ZFHX3: variants seen among roughly 807,000 people sequenced by gnomAD.
ZFHX3 encodes the protein zinc finger homeobox 3.
ZFHX3 carries 42 observed loss-of-function variants against 279.1 expected under a neutral mutation model. That is an observed-to-expected ratio of 0.15 (90% CI 0.12 to 0.19). The LOEUF is 0.19. Among genes scored for constraint, ZFHX3 ranks in the 10% least tolerant of loss-of-function variants. The pLI, the probability that ZFHX3 is intolerant of heterozygous loss-of-function variation, is 1.00. For missense variants in ZFHX3, 4,981 were observed against 4,754.0 expected, an observed-to-expected ratio of 1.05 and a Z score of -1.40; for synonymous variants, 2,293 against 1,957.8, an observed-to-expected ratio of 1.17 and a Z score of -4.52.
intron 5 of ZFHX3, among the ~76,000 whole-genome samples, chr16:73,148,806 G>A (rs922925320): frequency 2.0e-5 from 3 of 151,460 alleles, no homozygotes; most frequent in African/African-American, 7.2e-5. Flanking sequence ...AATTAGTCAG[G>A]TGTGGTGCCA....
At chr16:72,792,746 G>A (rs1037763391) in intron 9 of ZFHX3, among the ~76,000 whole-genome samples, 2 of 152,126 alleles carry the variant, frequency 1.3e-5, no homozygotes, top group African/African-American at 2.4e-5. Context: ...CACTGCACCC[G>A]GCCCTGATAG....
chr16:73,870,509 C>T (rs931926249), intron 1 of ZFHX3, among the ~76,000 whole-genome samples: 4 of 152,080 alleles, frequency 2.6e-5, no homozygotes, highest in Non-Finnish European at 5.9e-5. Flanking sequence ...AAAACAAATC[C>T]CCCTTTTTTT....
At chr16:73,668,273 G>T (rs1219652581) in intron 2 of ZFHX3, among the ~76,000 whole-genome samples, 1 of 151,976 alleles carries the variant, frequency 6.6e-6, no homozygotes, top group East Asian at 1.9e-4. Context: ...GACAGTAAAT[G>T]CACATACCTC....
At chr16:73,013,258 A>T (rs981236273) in intron 1 of ZFHX3, among the ~76,000 whole-genome samples, 7 of 152,138 alleles carry the variant, frequency 4.6e-5, no homozygotes, top group African/African-American at 1.7e-4. Context: ...TTCTTTCTTT[A>T]CAGGGACCCA....
chr16:73,523,748 G>A (rs2019646701), intron 2 of ZFHX3, among the ~76,000 whole-genome samples: 1 of 150,552 alleles, frequency 6.6e-6, no homozygotes, highest in African/African-American at 2.5e-5. Flanking sequence ...TTTTGTCCTT[G>A]CATCTACCTC....
At chr16:73,320,772 CG>C (rs1389814510) in intron 3 of ZFHX3, among the ~76,000 whole-genome samples, 1 of 152,162 alleles carries the variant, frequency 6.6e-6, no homozygotes, top group Non-Finnish European at 1.5e-5. Context: ...ACCCCTCACT[CG>C]TTTGGCCCCC....
At chr16:73,327,125 T>C (rs1161276340) in intron 3 of ZFHX3, among the ~76,000 whole-genome samples, 1 of 152,218 alleles carries the variant, frequency 6.6e-6, no homozygotes, top group African/African-American at 2.4e-5. Context: ...AGGATCAAAC[T>C]ATTTTTGTTT....
At chr16:73,880,877 T>TC (rs1465998270) in intron 1 of ZFHX3, among the ~76,000 whole-genome samples, 1 of 152,186 alleles carries the variant, frequency 6.6e-6, no homozygotes, top group Non-Finnish European at 1.5e-5. Flanking sequence ...AAACGACATG[T>TC]CTCTGCACCC....
At chr16:73,579,256 G>A (rs1187687898) in intron 2 of ZFHX3, among the ~76,000 whole-genome samples, 4 of 151,988 alleles carry the variant, frequency 2.6e-5, no homozygotes, top group African/African-American at 4.8e-5. Flanking sequence ...CCTAACCAAT[G>A]TGCATCTTAA....
intron 1 of ZFHX3, among the ~76,000 whole-genome samples, chr16:73,837,798 G>A (rs747693002): frequency 2.0e-5 from 3 of 152,086 alleles, no homozygotes; most frequent in Non-Finnish European, 2.9e-5. Context: ...CACCACGCCC[G>A]GCTAATTTGG....
At chr16:72,873,980 G>C (rs1181968546) in intron 4 of ZFHX3, among the ~76,000 whole-genome samples, 1 of 152,078 alleles carries the variant, frequency 6.6e-6, no homozygotes, top group Non-Finnish European at 1.5e-5. Context: ...CTTGCTAACA[G>C]AACACTCACT....
At chr16:73,006,226 G>A (rs1963697066) in intron 1 of ZFHX3, 1 of 152,206 alleles carries the variant, frequency 6.6e-6, no homozygotes, top group South Asian at 2.1e-4. Flanking sequence ...TCATCACTAA[G>A]TCTGAGGGTG....
rs1344824956 is a variant in ZFHX3 at position 72,958,292 on chromosome 16, G to A, written c.1854C>T (p.Pro618=). The change falls in exon 2 of 10, where the codon CCC becomes CCT. Residue 618 remains proline, a synonymous_variant. Coordinates refer to ENST00000268489, the MANE Select transcript of ZFHX3 (RefSeq NM_006885.4). ...STEGDDGGFV[P]HHQHAGSLCE... ...AGAGGGAGCCAGCGTGCTGGTGATG[G>A]GGAACGAAGCCCCCATCGTCACCCT... 1 of 1,613,910 alleles carries A rather than the reference G, an allele frequency of 6.2e-7. No individual in the cohort carries two copies. The highest frequency in any genetic ancestry group is 1.3e-5 in the African/African-American group (1 of 74,940).
intron 2 of ZFHX3, among the ~76,000 whole-genome samples, chr16:73,522,709 C>T (rs2019627830): frequency 6.6e-6 from 1 of 152,108 alleles, no homozygotes; most frequent in Admixed American, 6.5e-5. Flanking sequence ...TACTCTGTGC[C>T]AAGGTGTATT....
chr16:73,890,784 ATC>A (rs575487704), intron 1 of ZFHX3, among the ~76,000 whole-genome samples: 152 of 152,334 alleles, frequency 1.0e-3, no homozygotes, highest in African/African-American at 3.3e-3. Flanking sequence ...GGACCAAATA[ATC>A]ACGTGCGCTA....
intron 1 of ZFHX3, among the ~76,000 whole-genome samples, chr16:73,833,670 G>C (rs967875083): frequency 3.4e-4 from 52 of 151,792 alleles, no homozygotes; most frequent in African/African-American, 1.3e-3. Context: ...GGGTTGATGG[G>C]TGCAGCAAAC....
chr16:73,516,331 G>A (rs1239330363), intron 2 of ZFHX3, among the ~76,000 whole-genome samples: 2 of 152,148 alleles, frequency 1.3e-5, no homozygotes, highest in Non-Finnish European at 2.9e-5. Context: ...AAGAAAATAC[G>A]AGTGTGTGTG....
intron 3 of ZFHX3, among the ~76,000 whole-genome samples, chr16:73,445,171 T>C (rs571429914): frequency 4.3e-4 from 65 of 152,052 alleles, no homozygotes; most frequent in African/African-American, 1.4e-3. Context: ...ACAATGAATA[T>C]AGATGTATAT....
chr16:73,632,277 A>C (rs1159647499), intron 2 of ZFHX3, among the ~76,000 whole-genome samples: 1 of 152,224 alleles, frequency 6.6e-6, no homozygotes, highest in Non-Finnish European at 1.5e-5. Context: ...TAATTGGTAA[A>C]GATGAATATA....
Sources: allele counts gnomAD v4.1 joint callset (sites outside exome capture counted in the v4.1 genomes callset), GRCh38; gene constraint gnomAD v4.1.1; transcripts MANE v1.5; gene names NCBI Gene and HGNC (gene_info 2026-07-23, HGNC 2026-07-21).